ITPR3: variants seen among roughly 807,000 people sequenced by gnomAD.
ITPR3 encodes inositol 1,4,5-trisphosphate-gated calcium channel ITPR3.
ITPR3 carries 173 observed loss-of-function variants against 293.2 expected under a neutral mutation model. That is an observed-to-expected ratio of 0.59 (90% CI 0.52 to 0.67). The LOEUF (loss-of-function observed/expected upper bound fraction) is 0.67, where lower values mean the gene tolerates loss of function less well. Ranked by LOEUF, ITPR3 falls within the 30% of genes least tolerant of loss-of-function variation. The pLI, the probability that ITPR3 is intolerant of heterozygous loss-of-function variation, is 0.00. For missense variants in ITPR3, 2,796 were observed against 3,592.1 expected, an observed-to-expected ratio of 0.78 and a Z score of 5.66; for synonymous variants, 1,295 against 1,444.4, an observed-to-expected ratio of 0.90 and a Z score of 2.35.
intron 2 of ITPR3, among the ~76,000 whole-genome samples, chr6:33,652,808 C>T (rs1261331639): frequency 6.6e-6 from 1 of 151,938 alleles, no homozygotes; most frequent in African/African-American, 2.4e-5. Flanking sequence ...CGGTCTAGAG[C>T]CAGGGTCTGA....
chr6:33,684,424 C>G lies in ITPR3; in HGVS notation c.5005C>G (p.Leu1669Val). ...GCTGTGCATCAAGGTGCTGCGGACC[C>G]TGCAGCAGATGCTGCTCAAGAAGAC... ...EKLCIKVLRTLQQMLLKKTKY... is the reference protein window; with the variant it reads ...EKLCIKVLRTVQQMLLKKTKY... Residue 1669 changes from leucine (L) to valine (V), a missense_variant, in exon 37 of 58, where the codon CTG (leucine) becomes GTG (valine). Leu to Val is a conservative substitution (Grantham distance 32, BLOSUM62 1). Transcript: ENST00000605930. The surrounding 1 kb of genome is among the most constrained non-coding windows in gnomAD (Gnocchi z 4.2). 3.1e-6 allele frequency: 5 copies of G among 1,614,114 alleles called. No homozygotes were observed. Among genetic ancestry groups the G allele is most frequent in the Middle Eastern group, 1.6e-4 (1 of 6,062 alleles).
intron 2 of ITPR3, among the ~76,000 whole-genome samples, chr6:33,644,432 T>C (rs1295352290): frequency 6.6e-6 from 1 of 151,960 alleles, no homozygotes; most frequent in African/African-American, 2.4e-5. Flanking sequence ...CCAGATCTTT[T>C]TACTTTTAAA....
chr6:33,641,420 G>A (rs1440171567), intron 2 of ITPR3, among the ~76,000 whole-genome samples: 2 of 152,158 alleles, frequency 1.3e-5, no homozygotes, highest in African/African-American at 2.4e-5. Flanking sequence ...GAAGGGGAGC[G>A]GGATTTAAGA....
In ITPR3 at chr6:33,692,663, GT is replaced by G; in HGVS notation, c.7459-64del. The G allele has an allele frequency of 6.5e-7, 1 of 1,536,590 alleles. No homozygotes were observed. Among genetic ancestry groups the G allele is most frequent in the Non-Finnish European group, 8.9e-7 (1 of 1,119,956 alleles). ...TATCACAGCCCTGGCCCCAACCTGA[GT>G]CCTATCTTGCCCCAGTGAATGTGGG... On this transcript the variant is annotated intron_variant, in intron 54 of 57. Coordinates refer to ENST00000605930, the MANE Select transcript of ITPR3 (RefSeq NM_002224.4). The surrounding 1 kb of genome is among the most constrained non-coding windows in gnomAD (Gnocchi z 4.2).
chr6:33,633,685 TTGG>T lies in ITPR3; in HGVS notation c.90-6798_90-6796del, dbSNP rs1420146468. On this transcript the variant is annotated intron_variant, in intron 1 of 57. Coordinates refer to ENST00000605930, the MANE Select transcript of ITPR3 (RefSeq NM_002224.4). This position sits in a 1 kb window ranked among gnomAD's most constrained non-coding sequence, Gnocchi z 5.2. ...GGGGCGAGGCCGCGCTGGCCCTCCC[TTGG>T]CGGCGGCGGCGCGTCGTGGGAGACG... Among the ~76,000 whole-genome samples, 1 of 149,354 alleles carries T rather than the reference TTGG, an allele frequency of 6.7e-6. No individual in the cohort carries two copies. Among genetic ancestry groups the T allele is most frequent in the East Asian group, 1.9e-4 (1 of 5,136 alleles).
chr6:33,646,168 T>C (rs1169901033), intron 2 of ITPR3, among the ~76,000 whole-genome samples: 2 of 152,060 alleles, frequency 1.3e-5, no homozygotes, highest in South Asian at 2.1e-4. Context: ...TTTTCCTTTT[T>C]ATAAAAGTAA....
rs1237997626 is a variant in ITPR3 at position 33,659,466 on chromosome 6, G to T, written c.628G>T (p.Val210Phe). ...ELSDNAGCKE[V>F]NSVNCNTSWK... Reference sequence around the variant, plus strand: ...CACGGGTCTTGTCACCCTTCCGCAGGTCAATTCTGTGAACTGCAACACCAG... The same window carrying T: ...CACGGGTCTTGTCACCCTTCCGCAGTTCAATTCTGTGAACTGCAACACCAG... The change falls in exon 7 of 58, where the codon GTC becomes TTC. Residue 210 changes from valine to phenylalanine, a missense_variant and splice_region_variant. Transcript: ENST00000605930. 1 of 1,614,000 alleles carries T rather than the reference G, an allele frequency of 6.2e-7. No homozygotes were observed. The highest frequency in any genetic ancestry group is 2.2e-5 in the East Asian group (1 of 44,874).
In ITPR3 at chr6:33,655,262, T is replaced by C. The variant is rs2147655; in HGVS notation, c.161-504T>C. On this transcript the variant is annotated intron_variant, in intron 2 of 57. Transcript: ENST00000605930. This position sits in a 1 kb window ranked among gnomAD's most constrained non-coding sequence, Gnocchi z 4.9. ...TCGGGGAGCTCAGGATTGTGAGCTG[T>C]TCCTCGGACTGTCCCCTCCAGAGGC... 0.96 allele frequency among the ~76,000 whole-genome samples: 146,352 copies of C among 152,242 alleles called. 70,500 individuals are homozygous for C. Among genetic ancestry groups the C allele is most frequent in the East Asian group, 1 (5,137 of 5,150 alleles).
chr6:33,686,904 C>T (rs1007398724), intron 43 of ITPR3, 105 bp from the exon 44 acceptor site: 1 of 905,156 alleles, frequency 1.1e-6, no homozygotes, highest in Admixed American at 2.0e-5. Context: ...TGGCACCTGA[C>T]CTTTTGTTGG....
Position 33,682,654 on chromosome 6 carries a change from C to A in ITPR3, c.4597+10C>A. 1.3e-6 allele frequency: 2 copies of A among 1,590,350 alleles called. No individual in the cohort carries two copies. The highest frequency in any genetic ancestry group is 1.7e-4 in the Middle Eastern group (1 of 5,998). The stretch of plus-strand genomic sequence containing the variant: ...ACCCTCGCCATGGTGGGTGAGTGTG[C>A]CGGGGCACTGGCCAGCCCCAAACCA... On this transcript the variant is annotated intron_variant, in intron 34 of 57. Coordinates refer to ENST00000605930, the MANE Select transcript of ITPR3 (RefSeq NM_002224.4). This position sits in a 1 kb window ranked among gnomAD's most constrained non-coding sequence, Gnocchi z 5.4.
chr6:33,678,895 G>A, intron 30 of ITPR3, 56 bp downstream of exon 30: 3 of 1,537,828 alleles, frequency 2.0e-6, no homozygotes, highest in South Asian at 1.2e-5. Context: ...CCGGAGCAGA[G>A]GCTTGGCGGG....
At position 33,686,422 on chromosome 6, in the gene ITPR3, C is replaced by G; in HGVS notation, c.5882C>G (p.Thr1961Ser). The change falls in exon 43 of 58, where the codon ACT (threonine) becomes AGT (serine). Residue 1961 changes from threonine to serine, a missense_variant. This residue lies in a region of ITPR3 where 704 missense variants were observed against 797.5 expected (regional missense o/e 0.88). Coordinates refer to ENST00000605930, the MANE Select transcript of ITPR3 (RefSeq NM_002224.4). ...GCCTCCTGCCAGACTTGCATTGTGA[C>G]TCACGAGTCCAATGGCATAGACATC... ...PCHENQTCIV[T>S]HESNGIDIIT... 3 of 1,614,072 alleles carry G rather than the reference C, an allele frequency of 1.9e-6. No individual in the cohort carries two copies. Among genetic ancestry groups the G allele is most frequent in the Non-Finnish European group, 2.5e-6 (3 of 1,179,900 alleles).
intron 2 of ITPR3, among the ~76,000 whole-genome samples, chr6:33,648,266 G>C (rs1257707159): frequency 6.6e-6 from 1 of 151,900 alleles, no homozygotes; most frequent in East Asian, 1.9e-4. Context: ...AGGTCTCACT[G>C]TGTTGCCCAG....
At position 33,638,045 on chromosome 6, in the gene ITPR3, G is replaced by C. The variant is rs1763865925; in HGVS notation, c.90-2439G>C. On this transcript the variant is annotated intron_variant, in intron 1 of 57. Transcript: ENST00000605930. The surrounding 1 kb of genome is among the most constrained non-coding windows in gnomAD (Gnocchi z 4.3). The stretch of plus-strand genomic sequence containing the variant: ...TGTTGAGATGAAGTCTTGCTCTTTC[G>C]CCCAGGCTGAAGTGCAGTGGCGTGA... 6.6e-6 allele frequency among the ~76,000 whole-genome samples: 1 copy of C among 151,530 alleles called. No homozygotes were observed. Among genetic ancestry groups the C allele is most frequent in the African/African-American group, 2.4e-5 (1 of 41,262 alleles).
intron 1 of ITPR3, among the ~76,000 whole-genome samples, chr6:33,639,596 T>G (rs12663370): frequency 0.15 from 23,032 of 152,066 alleles, 2,189 homozygotes; most frequent in East Asian, 0.43. Flanking sequence ...TAAGACAGAG[T>G]TGGCCTTTGA....
At chr6:33,694,518 G>A (rs3227) in intron 56 of ITPR3, 136 of 251,202 alleles carry the variant, frequency 5.4e-4, no homozygotes, top group African/African-American at 3.0e-3. Context: ...TGTCTGACTC[G>A]CGTCTTCCCG....
In ITPR3 at chr6:33,677,592, A is replaced by G. The variant is rs1302055055; in HGVS notation, c.3611A>G (p.Lys1204Arg). The change falls in exon 28 of 58, where the codon AAG becomes AGG. Residue 1204 changes from lysine (K) to arginine (R), a missense_variant. Around this residue, in one of 8 missense-constraint regions of ITPR3, gnomAD observed 344 missense variants for 460.3 expected, o/e 0.75. Coordinates refer to ENST00000605930, the MANE Select transcript of ITPR3 (RefSeq NM_002224.4). Reference sequence around the variant, plus strand: ...CTGCTGAAGAACATGGATGCCCACAAGGTCATGCTGGACCTGCTGCAGATC... The same window carrying G: ...CTGCTGAAGAACATGGATGCCCACAGGGTCATGCTGGACCTGCTGCAGATC... ...QRLLKNMDAHKVMLDLLQIPY... is the reference protein window; with the variant it reads ...QRLLKNMDAHRVMLDLLQIPY... The G allele has an allele frequency of 6.2e-7, 1 of 1,614,036 alleles. No homozygotes were observed. The highest frequency in any genetic ancestry group is 1.7e-5 in the Admixed American group (1 of 60,018).
Position 33,676,767 on chromosome 6 carries a change from G to A in ITPR3, c.3283-1G>A, listed in dbSNP as rs1236989828. 2 of 1,614,018 alleles carry A rather than the reference G, an allele frequency of 1.2e-6. No individual in the cohort carries two copies. Among genetic ancestry groups the A allele is most frequent in the Non-Finnish European group, 1.7e-6 (2 of 1,179,972 alleles). On this transcript the variant is annotated splice_acceptor_variant, in intron 25 of 57. Transcript: ENST00000605930. LOFTEE classifies it high-confidence loss of function. ...CAGCCAGGCCCATCCTCCACCTTCA[G>A]GTTCAGCTGCTGATCTCAGCGCAGG...
At position 33,678,506 on chromosome 6, in the gene ITPR3, T is replaced by C; in HGVS notation, c.3734T>C (p.Leu1245Pro). ...GCAGGGAACCCCGGCAACCAGGCCCTGCTGCACAAACACCTGCACCTCTTC... is the reference window on the plus strand; with the variant it reads ...GCAGGGAACCCCGGCAACCAGGCCCCGCTGCACAAACACCTGCACCTCTTC... ...FCAGNPGNQALLHKHLHLFLT... is the reference protein window; with the variant it reads ...FCAGNPGNQAPLHKHLHLFLT... Residue 1245 changes from leucine (L) to proline (P), a missense_variant, in exon 29 of 58, where the codon CTG becomes CCG. Leu to Pro is a moderately conservative substitution (Grantham distance 98). Transcript: ENST00000605930. 6.2e-7 allele frequency: 1 copy of C among 1,610,516 alleles called. No individual in the cohort carries two copies. The highest frequency in any genetic ancestry group is 8.5e-7 in the Non-Finnish European group (1 of 1,178,730).
Sources: allele counts gnomAD v4.1 joint callset (sites outside exome capture counted in the v4.1 genomes callset), GRCh38; gene constraint gnomAD v4.1.1; regional missense constraint gnomAD v4.1.1; non-coding constraint Gnocchi (gnomAD v3.1); transcripts MANE v1.5; gene names NCBI Gene and HGNC (gene_info 2026-07-23, HGNC 2026-07-21).